IL1RAPL2: variants seen among roughly 807,000 people sequenced by gnomAD.
IL1RAPL2 encodes the protein X-linked interleukin-1 receptor accessory protein-like 2.
Under a neutral mutation model 44.1 loss-of-function variants are expected in IL1RAPL2, and 3 were observed. The observed-to-expected ratio is 0.07, with a 90% confidence interval of 0.03 to 0.18. The LOEUF is 0.18. IL1RAPL2 is among the 10% of genes least tolerant of loss of function. The pLI is 1.00. For missense variants in IL1RAPL2, 391 were observed against 496.4 expected (o/e 0.79, Z 2.02); for synonymous variants, 181 against 178.8 (o/e 1.01, Z -0.10).
chrX:105,413,697 T>A (rs1026022754), intron 5 of IL1RAPL2, among the ~76,000 whole-genome samples: 17 of 112,503 alleles, frequency 1.5e-4, no homozygotes, highest in Non-Finnish European at 2.8e-4. Context: ...ATTTGTTAAG[T>A]AGTCATAGGA....
At chrX:104,649,428 C>A (rs1352125428) in intron 1 of IL1RAPL2, among the ~76,000 whole-genome samples, 1 of 111,561 alleles carries the variant, frequency 9.0e-6, no homozygotes, top group Non-Finnish European at 1.9e-5. Context: ...TAGATAGAAT[C>A]TAGTTAACAT....
chrX:105,619,287 A>G (rs1033517191), intron 6 of IL1RAPL2, among the ~76,000 whole-genome samples: 4 of 110,148 alleles, frequency 3.6e-5, no homozygotes, highest in Non-Finnish European at 7.6e-5. Context: ...TAAAGGTAAG[A>G]TTGATTATGC....
In IL1RAPL2 at chrX:104,853,215, T is replaced by G. The variant is rs150584779; in HGVS notation, c.82+194220T>G. Among the ~76,000 whole-genome samples the G allele has an allele frequency of 8.4e-4, 94 of 111,929 alleles. 2 individuals carry two copies. In the East Asian group the frequency reaches 0.021, roughly 25 times the overall value. On this transcript the variant is annotated intron_variant, in intron 2 of 10. Transcript: ENST00000372582. ...CTTGAAAAGCTTAACGTTTGGTTGG[T>G]GTGAAGAATAATATGTACATAATAT...
chrX:105,582,168 A>G (rs757916313), intron 6 of IL1RAPL2, among the ~76,000 whole-genome samples: 1 of 111,891 alleles, frequency 8.9e-6, no homozygotes, highest in Non-Finnish European at 1.9e-5. Context: ...CAGTTGTGTA[A>G]CCATCACTAA....
intron 5 of IL1RAPL2, among the ~76,000 whole-genome samples, chrX:105,354,419 G>A (rs1163978842): frequency 1.9e-5 from 2 of 103,030 alleles, no homozygotes; most frequent in Non-Finnish European, 3.9e-5. Context: ...ACCAAACACT[G>A]CATGTTCTCA....
intron 5 of IL1RAPL2, among the ~76,000 whole-genome samples, chrX:105,477,128 G>A (rs2036202929): frequency 8.9e-6 from 1 of 111,808 alleles, no homozygotes; most frequent in Non-Finnish European, 1.9e-5. Context: ...AAGCAGGATG[G>A]AGAAGAAATT....
At chrX:104,698,447 C>G (rs1931216391) in intron 2 of IL1RAPL2, among the ~76,000 whole-genome samples, 1 of 112,140 alleles carries the variant, frequency 8.9e-6, no homozygotes, top group Admixed American at 9.4e-5. Context: ...TAAGTTGTAG[C>G]TCCTTAATGG....
intron 2 of IL1RAPL2, among the ~76,000 whole-genome samples, chrX:104,931,947 AGT>A (rs34524314): frequency 0.43 from 37,722 of 88,727 alleles, 7,444 homozygotes; most frequent in South Asian, 0.61. Flanking sequence ...GGAAACTATG[AGT>A]GTGTGTGTGT....
intron 2 of IL1RAPL2, among the ~76,000 whole-genome samples, chrX:104,758,545 G>A (rs1407117626): frequency 1.8e-5 from 2 of 111,167 alleles, no homozygotes; most frequent in Admixed American, 9.6e-5. Flanking sequence ...AGGACAAACC[G>A]AGAATATTTT....
chrX:105,671,612 A>C (rs1441659807), intron 6 of IL1RAPL2, among the ~76,000 whole-genome samples: 1 of 111,931 alleles, frequency 8.9e-6, no homozygotes, highest in Non-Finnish European at 1.9e-5. Context: ...AGTTTCTAGA[A>C]GTTTAAATAT....
intron 2 of IL1RAPL2, among the ~76,000 whole-genome samples, chrX:105,096,924 GA>G (rs759484688): frequency 9.0e-6 from 1 of 111,353 alleles, no homozygotes; most frequent in African/African-American, 3.3e-5. Flanking sequence ...ATATGTGTCA[GA>G]AAAAAATACG....
At chrX:104,873,663 A>G (rs2147653756) in intron 2 of IL1RAPL2, among the ~76,000 whole-genome samples, 1 of 111,361 alleles carries the variant, frequency 9.0e-6, no homozygotes, top group African/African-American at 3.3e-5. Context: ...AGGAAGCAGC[A>G]CATATCACTT....
chrX:104,587,025 A>T (rs1189695839), intron 1 of IL1RAPL2, among the ~76,000 whole-genome samples: 2 of 111,137 alleles, frequency 1.8e-5, no homozygotes, highest in African/African-American at 6.6e-5. Context: ...AAGCCTTGCA[A>T]TTTGGGAGGA....
At chrX:104,890,986 G>T (rs945072973) in intron 2 of IL1RAPL2, among the ~76,000 whole-genome samples, 1 of 111,910 alleles carries the variant, frequency 8.9e-6, no homozygotes, top group Non-Finnish European at 1.9e-5. Context: ...TAAGGTGTAA[G>T]GAAGGGATCC....
At chrX:104,981,531 GT>G (rs2030439886) in intron 2 of IL1RAPL2, among the ~76,000 whole-genome samples, 1 of 111,035 alleles carries the variant, frequency 9.0e-6, no homozygotes, top group African/African-American at 3.3e-5. Context: ...TCTGAAGAAA[GT>G]TTGATTTCCT....
chrX:104,681,950 T>G (rs972190936), intron 2 of IL1RAPL2, among the ~76,000 whole-genome samples: 6 of 112,828 alleles, frequency 5.3e-5, no homozygotes, highest in Admixed American at 9.4e-5. Context: ...AAGTGAGGAT[T>G]GTCTCTTTCA....
At chrX:104,825,696 A>C (rs1347124238) in intron 2 of IL1RAPL2, among the ~76,000 whole-genome samples, 5 of 112,328 alleles carry the variant, frequency 4.5e-5, no homozygotes, top group African/African-American at 1.6e-4. Context: ...TAGTTTTAGT[A>C]ATTTCCTATT....
intron 2 of IL1RAPL2, among the ~76,000 whole-genome samples, chrX:104,682,879 C>A (rs1164904511): frequency 1.8e-5 from 2 of 111,589 alleles, no homozygotes; most frequent in African/African-American, 6.5e-5. Flanking sequence ...ATTGTCCTAT[C>A]TCCTCAGATA....
intron 3 of IL1RAPL2, among the ~76,000 whole-genome samples, chrX:105,221,411 C>CAAA (rs782121555): frequency 5.2e-4 from 33 of 62,917 alleles, no homozygotes; most frequent in Admixed American, 5.2e-3. Flanking sequence ...AAACAACAAC[C>CAAA]AAAAAAAAAA....
Sources: gnomAD v4.1 joint callset for allele counts (sites outside exome capture counted in the v4.1 genomes callset) on GRCh38, gnomAD v4.1.1 for gene constraint, MANE v1.5 for transcripts, NCBI Gene and HGNC (gene_info 2026-07-23, HGNC 2026-07-21) for gene names.